RIMBP2: variants seen among roughly 807,000 people sequenced by gnomAD.
RIMBP2 encodes RIMS binding protein 2.
RIMBP2 carries 48 observed loss-of-function variants against 118.6 expected under a neutral mutation model. The ratio of observed to expected loss-of-function variants is 0.40; its 90% CI spans 0.32 to 0.51. The LOEUF (loss-of-function observed/expected upper bound fraction) is 0.51. Ranked by LOEUF, RIMBP2 falls within the 20% of genes least tolerant of loss-of-function variation. The probability of loss-of-function intolerance (pLI) is 0.41; values close to 1 mark genes in which losing one functional copy is unlikely to be tolerated. For synonymous variants in RIMBP2, 762 were observed against 742.9 expected (o/e 1.03, Z -0.42); for missense variants, 1,551 against 1,768.3 (o/e 0.88, Z 2.20).
At chr12:130,590,372 C>CAA (rs1260520759) in intron 2 of RIMBP2, among the ~76,000 whole-genome samples, 1 of 152,156 alleles carries the variant, frequency 6.6e-6, no homozygotes, top group African/African-American at 2.4e-5. Context: ...GGCCACAGCA[C>CAA]AAAGAGGCCA....
At chr12:130,430,422 A>G (rs1827011480) in intron 14 of RIMBP2, 1 of 152,210 alleles carries the variant, frequency 6.6e-6, no homozygotes, top group South Asian at 2.1e-4. Context: ...GATTTGGATC[A>G]TCACTATAGC....
chr12:130,518,223 T>A (rs2051684412), intron 2 of RIMBP2, among the ~76,000 whole-genome samples: 1 of 152,220 alleles, frequency 6.6e-6, no homozygotes, highest in South Asian at 2.1e-4. Flanking sequence ...GAGTTGTTAA[T>A]AAGCTTTGAC....
intron 21 of RIMBP2, among the ~76,000 whole-genome samples, chr12:130,405,737 G>A (rs2075112037): frequency 6.6e-6 from 1 of 151,090 alleles, no homozygotes; most frequent in Non-Finnish European, 1.5e-5. Context: ...AAAGGTAAGG[G>A]AGAAGTCCTA....
At chr12:130,401,208 C>T (rs529440060) in intron 21 of RIMBP2, among the ~76,000 whole-genome samples, 4 of 152,118 alleles carry the variant, frequency 2.6e-5, no homozygotes, top group Admixed American at 1.3e-4. Flanking sequence ...CTCCACCTCC[C>T]GGGTTCAAGC....
intron 6 of RIMBP2, among the ~76,000 whole-genome samples, chr12:130,458,408 G>A (rs1477567686): frequency 6.6e-6 from 1 of 152,112 alleles, no homozygotes; most frequent in African/African-American, 2.4e-5. Flanking sequence ...GACCCCAAAT[G>A]TGGGGTCTGC....
chr12:130,447,022 G>T lies in RIMBP2; in HGVS notation c.582-1753C>A, dbSNP rs1022396689. On this transcript the variant is annotated intron_variant, in intron 9 of 22. Coordinates refer to ENST00000690449, the MANE Select transcript of RIMBP2 (RefSeq NM_001393629.1). The surrounding 1 kb of genome is among the most constrained non-coding windows in gnomAD (Gnocchi z 4.4). The stretch of plus-strand genomic sequence containing the variant: ...GGGGTTTTCAGGGGGATCTGCAGGG[G>T]GGTCTGGATGGGTAGATGGCCGAGA... Among the ~76,000 whole-genome samples, 7 of 151,408 alleles carry T rather than the reference G, an allele frequency of 4.6e-5. No individual in the cohort carries two copies. The highest frequency in any genetic ancestry group is 1.0e-4 in the Non-Finnish European group (7 of 67,872).
At chr12:130,541,420 T>C (rs1297311448) in intron 2 of RIMBP2, among the ~76,000 whole-genome samples, 2 of 152,222 alleles carry the variant, frequency 1.3e-5, no homozygotes, top group Admixed American at 6.5e-5. Context: ...TTTCTTCCTC[T>C]TACACCAAAA....
At chr12:130,605,237 G>C (rs1337291987) in intron 2 of RIMBP2, among the ~76,000 whole-genome samples, 3 of 152,212 alleles carry the variant, frequency 2.0e-5, no homozygotes, top group African/African-American at 7.2e-5. Flanking sequence ...TGGGAGTGGA[G>C]GGTGGGTAGG....
At chr12:130,479,281 C>T (rs1211536547) in intron 4 of RIMBP2, among the ~76,000 whole-genome samples, 1 of 152,228 alleles carries the variant, frequency 6.6e-6, no homozygotes, top group Non-Finnish European at 1.5e-5. Context: ...GAGCAGAACT[C>T]TGTCCTCATG....
In RIMBP2 at chr12:130,611,113, G is replaced by A. The variant is rs573019140; in HGVS notation, c.-217+17209C>T. ...AGAGCATTGTGCCTCTAGCCAGGCC[G>A]CCCAAAGCGGGCAGAGCCTGAACTC... is the stretch of plus-strand genomic sequence containing the variant. On this transcript the variant is annotated intron_variant, in intron 2 of 22. Coordinates refer to ENST00000690449, the MANE Select transcript of RIMBP2 (RefSeq NM_001393629.1). Among the ~76,000 whole-genome samples, 16 of 152,286 alleles carry A rather than the reference G, an allele frequency of 1.1e-4. No individual in the cohort carries two copies. In the East Asian group the frequency reaches 1.7e-3, roughly 17 times the overall value.
chr12:130,491,374 T>C (rs1182949062), intron 4 of RIMBP2, among the ~76,000 whole-genome samples: 2 of 152,186 alleles, frequency 1.3e-5, no homozygotes, highest in Admixed American at 1.3e-4. Context: ...CTCTCTGCTG[T>C]CTAAGAGGCC....
rs1028400399 is a variant in RIMBP2 at position 130,424,448 on chromosome 12, G to A, written c.2823C>T (p.Cys941=). Reference sequence around the variant, plus strand: ...AGGGACAGTGACCAGGGCCTGGGCTGCACGCGGCCACGGTGTTTCCGAAGC... The same window carrying A: ...AGGGACAGTGACCAGGGCCTGGGCTACACGCGGCCACGGTGTTTCCGAAGC... The part of the protein sequence containing the change: ...RFGFGNTVAA[C]SPGPGHCPCR... The change falls in exon 16 of 23, where the codon TGC becomes TGT. Residue 941 remains cysteine, a synonymous_variant. Transcript: ENST00000690449. The surrounding 1 kb of genome is among the most constrained non-coding windows in gnomAD (Gnocchi z 9.8). The A allele has an allele frequency of 4.1e-6, 5 of 1,232,144 alleles. No individual in the cohort carries two copies. The highest frequency in any genetic ancestry group is 5.1e-6 in the Non-Finnish European group (5 of 987,894). The allele number at this position is 1,232,144 out of a possible 1,614,324, so 76.3% of individuals were successfully genotyped here.
At position 130,450,582 on chromosome 12, in the gene RIMBP2, C is replaced by A. The variant is rs373741610; in HGVS notation, c.505-306G>T. On this transcript the variant is annotated intron_variant, in intron 8 of 22. Transcript: ENST00000690449. The surrounding 1 kb of genome is among the most constrained non-coding windows in gnomAD (Gnocchi z 4.8). ...CTCCTACAGCAATCCCGGGAGTCAG[C>A]GGCGTGGCCTTTTCTCATAGGGGTG... is the stretch of plus-strand genomic sequence containing the variant. Among the ~76,000 whole-genome samples, 4 of 151,968 alleles carry A rather than the reference C, an allele frequency of 2.6e-5. No homozygotes were observed. The highest frequency in any genetic ancestry group is 9.7e-5 in the African/African-American group (4 of 41,362).
intron 2 of RIMBP2, among the ~76,000 whole-genome samples, chr12:130,535,779 A>ATATATATATATATATATATATG (rs1566218602): frequency 9.0e-6 from 1 of 111,068 alleles, no homozygotes; most frequent in Non-Finnish European, 1.9e-5. Context: ...ATATATATAT[A>ATATATATATATATATATATATG]TATACACATA....
chr12:130,550,844 C>G (rs762605572), intron 2 of RIMBP2, among the ~76,000 whole-genome samples: 15 of 152,188 alleles, frequency 9.9e-5, no homozygotes, highest in Non-Finnish European at 1.2e-4. Flanking sequence ...GAGACATAAA[C>G]AGAGAGAAAG....
chr12:130,620,089 G>A lies in RIMBP2; in HGVS notation c.-217+8233C>T, dbSNP rs186967450. On this transcript the variant is annotated intron_variant, in intron 2 of 22. Coordinates refer to ENST00000690449, the MANE Select transcript of RIMBP2 (RefSeq NM_001393629.1). This position sits in a 1 kb window ranked among gnomAD's most constrained non-coding sequence, Gnocchi z 5.3. Reference sequence around the variant, plus strand: ...CGGCAACCGGTTGAAAAGGGCCTCCGAGGCAGTGGCTCACTCTTCTGGCCA... The same window carrying A: ...CGGCAACCGGTTGAAAAGGGCCTCCAAGGCAGTGGCTCACTCTTCTGGCCA... Among the ~76,000 whole-genome samples the A allele has an allele frequency of 6.3e-3, 959 of 152,274 alleles. 13 individuals are homozygous for A. Among genetic ancestry groups the A allele is most frequent in the Non-Finnish European group, 6.5e-3 (443 of 68,018 alleles).
At chr12:130,416,601 G>T (rs2076114359) in intron 17 of RIMBP2, among the ~76,000 whole-genome samples, 1 of 152,158 alleles carries the variant, frequency 6.6e-6, no homozygotes, top group African/African-American at 2.4e-5. Flanking sequence ...TTGAACGTAA[G>T]ACCTCAAATT....
rs1356309344 is a variant in RIMBP2, at chr12:130,621,523, G to C, written c.-217+6799C>G. ...AGAGCTCCCGTTTTTGCTGAGGCTAGTTTGAGCTGGTTCTCTGTCATCTGA... is the reference window on the plus strand; with the variant it reads ...AGAGCTCCCGTTTTTGCTGAGGCTACTTTGAGCTGGTTCTCTGTCATCTGA... On this transcript the variant is annotated intron_variant, in intron 2 of 22. Transcript: ENST00000690449. This position sits in a 1 kb window ranked among gnomAD's most constrained non-coding sequence, Gnocchi z 6.6. Among the ~76,000 whole-genome samples, 2 of 152,180 alleles carry C rather than the reference G, an allele frequency of 1.3e-5. No homozygotes were observed. The highest frequency in any genetic ancestry group is 4.8e-5 in the African/African-American group (2 of 41,446).
chr12:130,481,579 G>A (rs972748451), intron 4 of RIMBP2, among the ~76,000 whole-genome samples: 4 of 152,180 alleles, frequency 2.6e-5, no homozygotes, highest in Non-Finnish European at 4.4e-5. Flanking sequence ...TTTCACTGTT[G>A]CTATGGGAAC....
Sources: allele counts gnomAD v4.1 joint callset (sites outside exome capture counted in the v4.1 genomes callset), GRCh38; gene constraint gnomAD v4.1.1; non-coding constraint Gnocchi (gnomAD v3.1); transcripts MANE v1.5; gene names NCBI Gene and HGNC (gene_info 2026-07-23, HGNC 2026-07-21).